The following SPTB variants were observed in gnomAD, a reference collection of about 807,000 sequenced individuals.
The protein encoded by SPTB is spectrin beta chain, erythrocytic.
In SPTB, 45 loss-of-function variants were observed where a neutral mutation model predicts 256.2. The ratio of observed to expected loss-of-function variants is 0.18; its 90% CI spans 0.14 to 0.23. The LOEUF (loss-of-function observed/expected upper bound fraction) is 0.23. Ranked by LOEUF, SPTB falls within the 10% of genes least tolerant of loss-of-function variation. SPTB has a pLI of 1.00. For missense variants in SPTB, 2,715 were observed against 3,040.4 expected, an observed-to-expected ratio of 0.89 and a Z score of 2.52; for synonymous variants, 1,231 against 1,243.1, an observed-to-expected ratio of 0.99 and a Z score of 0.21.
intron 1 of SPTB, among the ~76,000 whole-genome samples, chr14:64,828,314 T>C (rs2083403894): frequency 6.8e-6 from 1 of 147,022 alleles, no homozygotes; most frequent in Non-Finnish European, 1.5e-5. Context: ...GGGGTGGGGG[T>C]GGATGGGATC....
chr14:64,817,606 C>T (rs1011177734), intron 2 of SPTB, among the ~76,000 whole-genome samples: 4 of 152,252 alleles, frequency 2.6e-5, no homozygotes, highest in Non-Finnish European at 5.9e-5. Context: ...GATGCCCGTC[C>T]ACGGGGGTGA....
chr14:64,749,769 C>A lies in SPTB; in HGVS notation c.6777-73G>T, dbSNP rs1385983687. On this transcript the variant is annotated intron_variant, in intron 34 of 35. Transcript: ENST00000644917. The surrounding 1 kb of genome is among the most constrained non-coding windows in gnomAD (Gnocchi z 4.7). ...CGCTGGGCAGAGGGCTGGCTCTGAT[C>A]CCACAATACCCTGAGCCGAACATCC... 1.3e-6 allele frequency: 2 copies of A among 1,571,862 alleles called. No individual in the cohort carries two copies.
chr14:64,754,635 T>C (rs977183511), intron 32 of SPTB: 7 of 152,732 alleles, frequency 4.6e-5, no homozygotes, highest in East Asian at 3.9e-4. Context: ...ACTGCTGTGG[T>C]CTTTACCTCC....
At chr14:64,794,949 C>CAG (rs920248372) in intron 12 of SPTB, among the ~76,000 whole-genome samples, 2 of 152,216 alleles carry the variant, frequency 1.3e-5, no homozygotes, top group African/African-American at 4.8e-5. Flanking sequence ...CCCACTGCGG[C>CAG]AGAGAGAGAG....
intron 20 of SPTB, among the ~76,000 whole-genome samples, chr14:64,780,428 T>A (rs1030705552): frequency 4.6e-5 from 7 of 152,172 alleles, no homozygotes; most frequent in African/African-American, 7.2e-5. Flanking sequence ...TATTATTATT[T>A]TTGAGATGGA....
intron 1 of SPTB, among the ~76,000 whole-genome samples, chr14:64,837,513 T>G (rs1033336005): frequency 6.6e-6 from 1 of 152,238 alleles, no homozygotes; most frequent in Non-Finnish European, 1.5e-5. Flanking sequence ...ATGTCACTTC[T>G]CTCTAAACTG....
chr14:64,779,317 G>A lies in SPTB; in HGVS notation c.4474-71C>T. ...AACCTTTCCTGAGTGCTCACCATGG[G>A]CGGCGCAGAGCTTTGCTGGCAGTGT... is the stretch of plus-strand genomic sequence containing the variant. On this transcript the variant is annotated intron_variant, in intron 21 of 35. Transcript: ENST00000644917. The surrounding 1 kb of genome is among the most constrained non-coding windows in gnomAD (Gnocchi z 4.2). The A allele has an allele frequency of 1.5e-6, 2 of 1,299,462 alleles. No individual in the cohort carries two copies. Among genetic ancestry groups the A allele is most frequent in the Non-Finnish European group, 2.2e-6 (2 of 910,454 alleles). 80.5% of individuals were successfully genotyped at this position (1,299,462 alleles called of 1,614,324 possible).
intron 32 of SPTB, among the ~76,000 whole-genome samples, chr14:64,762,900 C>T (rs1454955520): frequency 1.3e-5 from 2 of 152,240 alleles, no homozygotes; most frequent in Non-Finnish European, 2.9e-5. Context: ...ACAGTGAGCC[C>T]TAGCAAAGGT....
In SPTB at chr14:64,748,869, T is replaced by C. The variant is rs894308364; in HGVS notation, c.*437A>G. 11 of 167,174 alleles carry C rather than the reference T, an allele frequency of 6.6e-5. No homozygotes were observed. The highest frequency in any genetic ancestry group is 6.3e-4 in the Admixed American group (10 of 15,770). The allele number at this position is 167,174 out of a possible 1,614,324, so 10.4% of individuals were successfully genotyped here. On this transcript the variant is annotated 3_prime_UTR_variant, in exon 36 of 36. Transcript: ENST00000644917. ...TCCCTGGCTGCCACCAGGTGGGAGG[T>C]GACCCGAAGCAAGACTTGCTTTAGG...
chr14:64,865,530 G>A (rs1256996532), intron 1 of SPTB, among the ~76,000 whole-genome samples: 2 of 152,104 alleles, frequency 1.3e-5, no homozygotes, highest in Admixed American at 6.5e-5. Flanking sequence ...TTTTCTGAGC[G>A]TTTTCTGGGT....
At chr14:64,800,728 GAC>G in intron 8 of SPTB, 26 bp downstream of exon 8, 1 of 1,588,774 alleles carries the variant, frequency 6.3e-7, no homozygotes, top group Non-Finnish European at 8.6e-7. Flanking sequence ...GGGGAAGAGT[GAC>G]ACTTTGGTTC....
intron 1 of SPTB, among the ~76,000 whole-genome samples, chr14:64,874,816 A>G: frequency 6.6e-6 from 1 of 152,230 alleles, no homozygotes; most frequent in East Asian, 1.9e-4. Context: ...TCTCCTTTTC[A>G]CAATGGTGGA....
Position 64,784,332 on chromosome 14 carries a change from C to T in SPTB, c.3917G>A (p.Arg1306Gln), listed in dbSNP as rs752416927. 11 of 1,614,114 alleles carry T rather than the reference C, an allele frequency of 6.8e-6. No individual in the cohort carries two copies. The highest frequency in any genetic ancestry group is 6.6e-5 in the South Asian group (6 of 91,090). The change falls in exon 19 of 36, where the codon CGA becomes CAA. Residue 1306 changes from arginine (R) to glutamine (Q), a missense_variant. Transcript: ENST00000644917. Reference sequence around the variant, plus strand: ...CTTTAGCCATTTATTGTGAAGGTTTCGTGCTTCATCATAGGAGACATCCTG... The same window carrying T: ...CTTTAGCCATTTATTGTGAAGGTTTTGTGCTTCATCATAGGAGACATCCTG... ...TSQDVSYDEA[R>Q]NLHNKWLKHQ...
chr14:64,789,168 T>C (rs995938356), intron 15 of SPTB, among the ~76,000 whole-genome samples: 8 of 151,816 alleles, frequency 5.3e-5, no homozygotes, highest in African/African-American at 1.2e-4. Flanking sequence ...CTGAGAAACA[T>C]AGTGAGACCT....
chr14:64,749,952 C>T lies in SPTB; in HGVS notation c.6776+29G>A, dbSNP rs912453082. On this transcript the variant is annotated intron_variant, in intron 34 of 35. Transcript: ENST00000644917. This position sits in a 1 kb window ranked among gnomAD's most constrained non-coding sequence, Gnocchi z 4.7. ...CTAATGCCAAATCAAGCCATCAACC[C>T]GAGCTTTCAAAGGCCAGGAAGGCCT... 8.1e-6 allele frequency: 13 copies of T among 1,614,124 alleles called. No homozygotes were observed. The highest frequency in any genetic ancestry group is 6.7e-5 in the Admixed American group (4 of 60,032).
rs1231959111 is a variant in SPTB, at chr14:64,764,873, G to A, written c.6345+1853C>T. Among the ~76,000 whole-genome samples the A allele has an allele frequency of 6.6e-6, 1 of 152,092 alleles. No homozygotes were observed. The highest frequency in any genetic ancestry group is 1.5e-5 in the Non-Finnish European group (1 of 68,022). On this transcript the variant is annotated intron_variant, in intron 32 of 35. Transcript: ENST00000644917. This position sits in a 1 kb window ranked among gnomAD's most constrained non-coding sequence, Gnocchi z 4.2. ...CACAGTCCACCACAGACAGGGAGGC[G>A]ACCCCACATGCGATGACGGGAGCTT...
chr14:64,833,088 C>T (rs1439577752), intron 1 of SPTB, among the ~76,000 whole-genome samples: 1 of 152,224 alleles, frequency 6.6e-6, no homozygotes, highest in South Asian at 2.1e-4. Flanking sequence ...AATCCTTCCC[C>T]CCAGCTTCTC....
chr14:64,797,467 CAAAAAAAAAAAAAAAA>C (rs57385615), intron 10 of SPTB, among the ~76,000 whole-genome samples: 115 of 31,014 alleles, frequency 3.7e-3, no homozygotes, highest in African/African-American at 7.8e-3. Context: ...ACCCTGTCTC[CAAAAAAAAAAAAAAAA>C]AAAAAAAAAA....
intron 2 of SPTB, among the ~76,000 whole-genome samples, chr14:64,818,631 A>G (rs919615678): frequency 3.3e-5 from 5 of 152,020 alleles, no homozygotes; most frequent in Non-Finnish European, 7.4e-5. Context: ...GGAGAGGGAG[A>G]CAGAGGATGG....
Sources: gnomAD v4.1 joint callset for allele counts (sites outside exome capture counted in the v4.1 genomes callset) on GRCh38, gnomAD v4.1.1 for gene constraint, Gnocchi (gnomAD v3.1) non-coding constraint, MANE v1.5 for transcripts, NCBI Gene and HGNC (gene_info 2026-07-23, HGNC 2026-07-21) for gene names.